The following RORA variants were observed in gnomAD, a reference collection of about 807,000 sequenced individuals.
RORA encodes the protein RAR related orphan receptor A.
A neutral mutation model predicts 69.5 loss-of-function variants in RORA; 7 were observed. The ratio of observed to expected loss-of-function variants is 0.10; its 90% CI spans 0.06 to 0.19. The LOEUF (loss-of-function observed/expected upper bound fraction) is 0.19. RORA is among the 10% of genes least tolerant of loss of function. The pLI, the probability that RORA is intolerant of heterozygous loss-of-function variation, is 1.00. For synonymous variants in RORA, 261 were observed against 240.8 expected (o/e 1.08, Z -0.78); for missense variants, 457 against 663.0 (o/e 0.69, Z 3.41).
chr15:60,901,336 T>C (rs915249714), intron 1 of RORA, among the ~76,000 whole-genome samples: 1 of 152,204 alleles, frequency 6.6e-6, no homozygotes, highest in Non-Finnish European at 1.5e-5. Context: ...CACACCCAGC[T>C]AATTTTTGTA....
At chr15:61,130,376 C>G (rs772597124) in intron 1 of RORA, among the ~76,000 whole-genome samples, 10 of 152,036 alleles carry the variant, frequency 6.6e-5, no homozygotes, top group South Asian at 6.2e-4. Context: ...AACAAAGGCT[C>G]AGGAAAGAAA....
intron 1 of RORA, among the ~76,000 whole-genome samples, chr15:61,066,189 C>G (rs1052124652): frequency 1.3e-5 from 2 of 152,128 alleles, no homozygotes; most frequent in African/African-American, 2.4e-5. Context: ...CAACTTTTAA[C>G]AAACACAGCC....
chr15:60,888,142 T>C (rs1271395561), intron 1 of RORA, among the ~76,000 whole-genome samples: 3 of 152,232 alleles, frequency 2.0e-5, no homozygotes, highest in African/African-American at 7.2e-5. Context: ...CCACGGATGC[T>C]GTCTCATCGG....
intron 1 of RORA, among the ~76,000 whole-genome samples, chr15:61,157,468 A>C (rs2079454658): frequency 6.6e-6 from 1 of 152,116 alleles, no homozygotes. Context: ...TACATTTATA[A>C]AGTTTAAAAT....
At chr15:60,893,832 C>T (rs1225082940) in intron 1 of RORA, among the ~76,000 whole-genome samples, 1 of 152,166 alleles carries the variant, frequency 6.6e-6, no homozygotes, top group Non-Finnish European at 1.5e-5. Context: ...GCATAACCTC[C>T]TCTATTTTAT....
intron 1 of RORA, among the ~76,000 whole-genome samples, chr15:61,140,215 G>A (rs777648600): frequency 6.6e-6 from 1 of 152,088 alleles, no homozygotes; most frequent in Non-Finnish European, 1.5e-5. Flanking sequence ...GTCTTCACTC[G>A]CCTTATGTAT....
intron 1 of RORA, among the ~76,000 whole-genome samples, chr15:61,102,799 T>C (rs574098656): frequency 6.6e-6 from 1 of 152,194 alleles, no homozygotes; most frequent in Non-Finnish European, 1.5e-5. Flanking sequence ...GCTTGACCCT[T>C]CTTTTCCCTA....
chr15:60,508,272 A>C (rs906064173), intron 5 of RORA, among the ~76,000 whole-genome samples: 2 of 152,162 alleles, frequency 1.3e-5, no homozygotes, highest in African/African-American at 4.8e-5. Context: ...GGGGCAAGTC[A>C]TGTGCCCCAA....
At chr15:60,891,372 A>G (rs2073811344) in intron 1 of RORA, among the ~76,000 whole-genome samples, 1 of 152,216 alleles carries the variant, frequency 6.6e-6, no homozygotes, top group Admixed American at 6.5e-5. Context: ...ATGTACATAC[A>G]AAGTAGAAAA....
At chr15:60,838,843 A>AACACACAC (rs58762022) in intron 1 of RORA, among the ~76,000 whole-genome samples, 1,248 of 122,042 alleles carry the variant, frequency 0.01, 10 homozygotes, top group African/African-American at 0.018. Context: ...ACATTCATTC[A>AACACACAC]ACACACACAC....
At chr15:60,649,503 C>G (rs2070108536) in intron 2 of RORA, among the ~76,000 whole-genome samples, 1 of 152,196 alleles carries the variant, frequency 6.6e-6, no homozygotes, top group African/African-American at 2.4e-5. Flanking sequence ...CACTTCCTAG[C>G]TCTTCTAACG....
chr15:61,091,994 A>G (rs2078714663), intron 1 of RORA, among the ~76,000 whole-genome samples: 2 of 152,362 alleles, frequency 1.3e-5, no homozygotes, highest in Admixed American at 6.5e-5. Context: ...AGAAGCCAAC[A>G]CCGTAGTCAA....
chr15:61,027,357 G>GCCCAT (rs1381515301), intron 1 of RORA, among the ~76,000 whole-genome samples: 2 of 152,154 alleles, frequency 1.3e-5, no homozygotes, highest in Non-Finnish European at 2.9e-5. Context: ...CCATTCATTT[G>GCCCAT]CCCATTAACA....
At chr15:61,052,626 T>C (rs528956235) in intron 1 of RORA, among the ~76,000 whole-genome samples, 4 of 152,362 alleles carry the variant, frequency 2.6e-5, no homozygotes, top group Admixed American at 2.6e-4. Flanking sequence ...TCACCAATTC[T>C]GTGGGAAACA....
chr15:61,047,545 T>A (rs1486891027), intron 1 of RORA, among the ~76,000 whole-genome samples: 1 of 152,210 alleles, frequency 6.6e-6, no homozygotes, highest in African/African-American at 2.4e-5. Context: ...CTCCTTGGAG[T>A]GTCTCTTCCC....
At chr15:60,516,555 A>T (rs186236527) in intron 3 of RORA, among the ~76,000 whole-genome samples, 1 of 151,958 alleles carries the variant, frequency 6.6e-6, no homozygotes, top group Non-Finnish European at 1.5e-5. Context: ...GATGACCCCA[A>T]TGAGGGCGAC....
At chr15:61,046,210 AATAAATTTCCCTTTTAATTAGC>A (rs1897013945) in intron 1 of RORA, among the ~76,000 whole-genome samples, 1 of 152,204 alleles carries the variant, frequency 6.6e-6, no homozygotes, top group Admixed American at 6.5e-5. Context: ...GTATGTCTTA[AATAAATTTCCCTTTTAATTAGC>A]ATGAGGAAAA....
chr15:61,197,945 G>A (rs2079860163), intron 1 of RORA, among the ~76,000 whole-genome samples: 1 of 152,094 alleles, frequency 6.6e-6, no homozygotes, highest in Non-Finnish European at 1.5e-5. Context: ...GCTGCTGCTT[G>A]TTTTGTGTGG....
At chr15:60,955,421 A>C (rs1419739634) in intron 1 of RORA, among the ~76,000 whole-genome samples, 3 of 152,256 alleles carry the variant, frequency 2.0e-5, no homozygotes, top group Non-Finnish European at 4.4e-5. Flanking sequence ...CAAAACATAT[A>C]GTATATTTCA....
Sources: allele counts gnomAD v4.1 joint callset (sites outside exome capture counted in the v4.1 genomes callset), GRCh38; gene constraint gnomAD v4.1.1; transcripts MANE v1.5; gene names NCBI Gene and HGNC (gene_info 2026-07-23, HGNC 2026-07-21).